The following LDB3 variants were observed in gnomAD, a reference collection of about 807,000 sequenced individuals.
The protein encoded by LDB3 is LIM domain-binding protein 3.
A neutral mutation model predicts 69.0 loss-of-function variants in LDB3; 49 were observed. That is an observed-to-expected ratio of 0.71 (90% CI 0.56 to 0.90). The LOEUF is 0.90. Among genes scored for constraint, LDB3 ranks in the 40% least tolerant of loss-of-function variants. The pLI, the probability that LDB3 is intolerant of heterozygous loss-of-function variation, is 0.00. For synonymous variants in LDB3, 387 were observed against 396.2 expected, an observed-to-expected ratio of 0.98 and a Z score of 0.28; for missense variants, 928 against 974.1, an observed-to-expected ratio of 0.95 and a Z score of 0.63.
At chr10:86,720,471 C>T (rs936586505) in intron 12 of LDB3, among the ~76,000 whole-genome samples, 2 of 151,834 alleles carry the variant, frequency 1.3e-5, no homozygotes, top group Middle Eastern at 3.4e-3. Flanking sequence ...AGAAAAGAAA[C>T]GTCTTGGGTT....
chr10:86,670,192 C>T (rs946503585), intron 2 of LDB3, among the ~76,000 whole-genome samples: 2 of 152,148 alleles, frequency 1.3e-5, no homozygotes, highest in Admixed American at 6.5e-5. Flanking sequence ...CCTTCAGTTG[C>T]AGATGTGGCT....
rs1482261686 is a variant in LDB3 at position 86,668,681 on chromosome 10, A to G, written c.-11A>G. 1 of 1,611,738 alleles carries G rather than the reference A, an allele frequency of 6.2e-7. No homozygotes were observed. Among genetic ancestry groups the G allele is most frequent in the Middle Eastern group, 1.7e-4 (1 of 6,056 alleles). ...CCTTTGTCTGCAGAGGCGGCCGCTG[A>G]CAGCACCAGCATGTCTTACAGTGTG... On this transcript the variant is annotated 5_prime_UTR_variant, in exon 2 of 14. Transcript: ENST00000361373.
rs199739130 is a variant in LDB3, at chr10:86,691,970, A to G, written c.764A>G (p.Lys255Arg). The change falls in exon 6 of 14, where the codon AAG becomes AGG. Residue 255 changes from lysine to arginine, a missense_variant. Transcript: ENST00000361373. Reference sequence around the variant, plus strand: ...CAGGCTGTGATTAAGAGCCAGAACAAGCCAGAAGATGAGGCTGACGAGTGG... The same window carrying G: ...CAGGCTGTGATTAAGAGCCAGAACAGGCCAGAAGATGAGGCTGACGAGTGG... ...VYQAVIKSQN[K>R]PEDEADEWAR... is the part of the protein sequence containing the mutation. 13 of 1,614,082 alleles carry G rather than the reference A, an allele frequency of 8.1e-6. No homozygotes were observed. Among genetic ancestry groups the G allele is most frequent in the Non-Finnish European group, 1.0e-5 (12 of 1,180,048 alleles).
intron 5 of LDB3, among the ~76,000 whole-genome samples, chr10:86,685,086 C>G (rs1217577750): frequency 1.3e-5 from 2 of 152,198 alleles, no homozygotes; most frequent in Non-Finnish European, 2.9e-5. Flanking sequence ...CCCCTATACC[C>G]CAAGAGGAGC....
intron 4 of LDB3, among the ~76,000 whole-genome samples, chr10:86,680,389 A>T (rs943252652): frequency 6.6e-6 from 1 of 152,206 alleles, no homozygotes; most frequent in Admixed American, 6.5e-5. Context: ...GCCTGGGTGC[A>T]AGCCACCTCC....
In LDB3 at chr10:86,734,365, G is replaced by A. The variant is rs542985024; in HGVS notation, c.*1389G>A. 1 of 152,266 alleles carries A rather than the reference G, an allele frequency of 6.6e-6. No homozygotes were observed. The highest frequency in any genetic ancestry group is 2.1e-4 in the South Asian group (1 of 4,828). The allele number at this position is 152,266 out of a possible 1,614,324, so 9.4% of individuals were successfully genotyped here. On this transcript the variant is annotated 3_prime_UTR_variant, in exon 14 of 14. Transcript: ENST00000361373. ...ATAAAGAAGGCAGCTTAGATTCTGTGGTTGGAAACAGTGTAGTCGCTTCCC... is the reference window on the plus strand; with the variant it reads ...ATAAAGAAGGCAGCTTAGATTCTGTAGTTGGAAACAGTGTAGTCGCTTCCC...
At chr10:86,682,722 T>C (rs1047741924) in intron 5 of LDB3, among the ~76,000 whole-genome samples, 1 of 152,192 alleles carries the variant, frequency 6.6e-6, no homozygotes, top group Non-Finnish European at 1.5e-5. Context: ...CTCAGGGTTA[T>C]TGGGAGGATA....
intron 3 of LDB3, 120 bp from the exon 4 acceptor site, chr10:86,679,962 A>T (rs1271156878): frequency 7.9e-6 from 7 of 882,860 alleles, no homozygotes; most frequent in Non-Finnish European, 1.3e-5. Flanking sequence ...CCTCTGACTC[A>T]GCTATCTCTG....
intron 5 of LDB3, among the ~76,000 whole-genome samples, chr10:86,689,680 G>A (rs1170255926): frequency 6.6e-6 from 1 of 152,188 alleles, no homozygotes; most frequent in African/African-American, 2.4e-5. Context: ...GTAACCTCTT[G>A]GAGGCCACTC....
intron 7 of LDB3, among the ~76,000 whole-genome samples, chr10:86,703,657 A>C (rs1455234285): frequency 6.6e-6 from 1 of 152,186 alleles, no homozygotes; most frequent in Non-Finnish European, 1.5e-5. Flanking sequence ...CCTTTTTACC[A>C]TACACCTCAC....
rs113360841 is a variant in LDB3 at position 86,710,570 on chromosome 10, G to A, written c.1231+520G>A. On this transcript the variant is annotated intron_variant, in intron 9 of 13. Coordinates refer to ENST00000361373, the MANE Select transcript of LDB3 (RefSeq NM_007078.3). ...TGCACTCCAGCCTGGGCGACAGAAT[G>A]AGACTCCATCTTCTCTGTGTCATGC... 7.0e-4 allele frequency among the ~76,000 whole-genome samples: 107 copies of A among 152,374 alleles called. 3 individuals are homozygous for A. Among genetic ancestry groups the A allele is most frequent in the African/African-American group, 2.5e-3 (103 of 41,604 alleles).
At chr10:86,680,385 G>A (rs577619578) in intron 4 of LDB3, among the ~76,000 whole-genome samples, 11 of 152,358 alleles carry the variant, frequency 7.2e-5, no homozygotes. Flanking sequence ...GCCTGCCTGG[G>A]TGCAAGCCAC....
intron 9 of LDB3, among the ~76,000 whole-genome samples, chr10:86,711,321 T>C (rs1480006780): frequency 6.6e-6 from 1 of 151,864 alleles, no homozygotes; most frequent in Non-Finnish European, 1.5e-5. Context: ...TCCTTCCTCC[T>C]CCTTCCCGGG....
chr10:86,704,449 CTT>C (rs968396462), intron 7 of LDB3, among the ~76,000 whole-genome samples: 1 of 151,168 alleles, frequency 6.6e-6, no homozygotes, highest in African/African-American at 2.4e-5. Context: ...GAATTTCGCT[CTT>C]GTTGCCCAGG....
chr10:86,730,980 C>T (rs1050226774), intron 13 of LDB3, among the ~76,000 whole-genome samples: 1 of 151,768 alleles, frequency 6.6e-6, no homozygotes, highest in South Asian at 2.1e-4. Flanking sequence ...TGGTGAAACC[C>T]TGTCTCTACT....
chr10:86,703,851 C>G (rs551848631), intron 7 of LDB3, among the ~76,000 whole-genome samples: 1 of 152,130 alleles, frequency 6.6e-6, no homozygotes, highest in Non-Finnish European at 1.5e-5. Flanking sequence ...CAGTGGCTCA[C>G]GCCTGTAATC....
rs1026972237 is a variant in LDB3 at position 86,692,052 on chromosome 10, G to A, written c.846G>A (p.Thr282=). The A allele has an allele frequency of 5.0e-6, 8 of 1,613,920 alleles. No individual in the cohort carries two copies. The highest frequency in any genetic ancestry group is 4.0e-5 in the African/African-American group (3 of 74,928). Residue 282 remains threonine, a synonymous_variant, in exon 6 of 14, where the codon ACG becomes ACA. Transcript: ENST00000361373. ...SRSFRILAQM[T]GTEFMQDPDE... ...CCTTCCGCATCCTGGCCCAGATGACGGGGACAGAATTCAGTGAGTGCAGGC... is the reference window on the plus strand; with the variant it reads ...CCTTCCGCATCCTGGCCCAGATGACAGGGACAGAATTCAGTGAGTGCAGGC...
At position 86,710,268 on chromosome 10, in the gene LDB3, T is replaced by A. The variant is rs956068258; in HGVS notation, c.1231+218T>A. 1.0e-5 allele frequency: 10 copies of A among 985,252 alleles called. No individual in the cohort carries two copies. The African/African-American group carries it at 1.6e-4, about 15-fold the overall frequency. The allele number at this position is 985,252 out of a possible 1,614,324, so 61.0% of individuals were successfully genotyped here. The stretch of plus-strand genomic sequence containing the variant: ...AGGTGAGCAAGAAAGCGGTGGATGA[T>A]TCTAAGGGAGAGCGAAGGAGAGCAG... On this transcript the variant is annotated intron_variant, in intron 9 of 13. Transcript: ENST00000361373.
intron 12 of LDB3, 147 bp from the exon 13 acceptor site, chr10:86,725,990 A>T: frequency 1.5e-6 from 1 of 678,258 alleles, no homozygotes. Flanking sequence ...ACTATCAGTC[A>T]TGTAACTGAG....
Sources: gnomAD v4.1 joint callset for allele counts (sites outside exome capture counted in the v4.1 genomes callset) on GRCh38, gnomAD v4.1.1 for gene constraint, MANE v1.5 for transcripts, NCBI Gene and HGNC (gene_info 2026-07-23, HGNC 2026-07-21) for gene names.